Variants in GPCPD1 observed in about 807,000 individuals in gnomAD.
GPCPD1 encodes glycerophosphocholine phosphodiesterase GPCPD1.
Under a neutral mutation model 89.2 loss-of-function variants are expected in GPCPD1, and 29 were observed. The ratio of observed to expected loss-of-function variants is 0.33; its 90% CI spans 0.24 to 0.44. The LOEUF (loss-of-function observed/expected upper bound fraction) is 0.44. Among genes scored for constraint, GPCPD1 ranks in the 20% least tolerant of loss-of-function variants. The pLI, the probability that GPCPD1 is intolerant of heterozygous loss-of-function variation, is 1.00. For synonymous variants in GPCPD1, 258 were observed against 266.3 expected, an observed-to-expected ratio of 0.97 and a Z score of 0.30; for missense variants, 594 against 808.9, an observed-to-expected ratio of 0.73 and a Z score of 3.22.
At position 5,565,054 on chromosome 20, in the gene GPCPD1, G is replaced by A. The variant is rs1422762261; in HGVS notation, c.1292C>T (p.Ser431Phe). The change falls in exon 15 of 20, where the codon TCC becomes TTC. Residue 431 changes from serine to phenylalanine, a missense_variant. Ser to Phe is a radical substitution (Grantham distance 155). Transcript: ENST00000379019. Reference protein sequence around the residue: ...RKESVVQEENSFSENQPFPSL... With the variant: ...RKESVVQEENFFSENQPFPSL... Reference sequence around the variant, plus strand: ...AGGAAATGGCTGATTTTCTGAAAAGGAATTTTCCTCCTGAACCACAGATTC... The same window carrying A: ...AGGAAATGGCTGATTTTCTGAAAAGAAATTTTCCTCCTGAACCACAGATTC... 1 of 1,551,198 alleles carries A rather than the reference G, an allele frequency of 6.4e-7. No homozygotes were observed. Among genetic ancestry groups the A allele is most frequent in the Non-Finnish European group, 8.9e-7 (1 of 1,123,092 alleles).
intron 2 of GPCPD1, 83 bp downstream of exon 2, chr20:5,604,281 T>C (rs1980390587): frequency 6.5e-6 from 5 of 764,562 alleles, no homozygotes; most frequent in East Asian, 2.5e-5. Context: ...CCCACTCTAA[T>C]AGCAACTCCA....
At position 5,590,807 on chromosome 20, in the gene GPCPD1, G is replaced by A. The variant is rs547103189; in HGVS notation, c.231+2520C>T. On this transcript the variant is annotated intron_variant, in intron 4 of 19. Transcript: ENST00000379019. Reference sequence around the variant, plus strand: ...AAGGACTTAAAACTCAAGGGAGATCGAGGTCAAAATAAGATAGTTTGTAAT... The same window carrying A: ...AAGGACTTAAAACTCAAGGGAGATCAAGGTCAAAATAAGATAGTTTGTAAT... Among the ~76,000 whole-genome samples the A allele has an allele frequency of 2.3e-4, 35 of 152,252 alleles. 1 individual carries two copies. The South Asian group carries it at 4.4e-3, about 19-fold the overall frequency.
intron 15 of GPCPD1, among the ~76,000 whole-genome samples, chr20:5,562,986 C>CTTT (rs199811350): frequency 8.1e-4 from 115 of 142,650 alleles, no homozygotes; most frequent in African/African-American, 2.6e-3. Context: ...GTTAAAATTT[C>CTTT]TTTTTTTTTT....
rs141741093 is a variant in GPCPD1 at position 5,586,002 on chromosome 20, A to G, written c.307+192T>C. 11 of 433,894 alleles carry G rather than the reference A, an allele frequency of 2.5e-5. No homozygotes were observed. In the East Asian group the frequency reaches 2.8e-4, roughly 11 times the overall value. 26.9% of individuals were successfully genotyped at this position (433,894 alleles called of 1,614,324 possible). A position where few individuals can be genotyped will look rare whatever the true frequency, so the allele number is the denominator to read the frequency against. On this transcript the variant is annotated intron_variant, in intron 5 of 19. Coordinates refer to ENST00000379019, the MANE Select transcript of GPCPD1 (RefSeq NM_019593.5). ...AAATATCTAGGTAAATATTTCTAAT[A>G]AAGTTTATTTTAAGAGGCAATTAAA...
chr20:5,558,912 A>G (rs1426473169), intron 17 of GPCPD1, 93 bp from the exon 18 acceptor site: 25 of 974,510 alleles, frequency 2.6e-5, no homozygotes, highest in Non-Finnish European at 3.7e-5. Flanking sequence ...GTATAAAGAA[A>G]ACAAACGAGG....
intron 2 of GPCPD1, among the ~76,000 whole-genome samples, chr20:5,600,563 G>A (rs531421589): frequency 1.8e-4 from 28 of 152,160 alleles, no homozygotes; most frequent in African/African-American, 4.1e-4. Context: ...GCCGGGTGCG[G>A]TGGCTCATGC....
chr20:5,599,840 G>A (rs745512831), intron 2 of GPCPD1, among the ~76,000 whole-genome samples: 35 of 152,026 alleles, frequency 2.3e-4, no homozygotes, highest in Non-Finnish European at 3.1e-4. Flanking sequence ...GGCATGAGCC[G>A]CCGCGCCCAG....
At chr20:5,585,424 G>A (rs1978843474) in intron 5 of GPCPD1, 1 of 151,966 alleles carries the variant, frequency 6.6e-6, no homozygotes, top group Non-Finnish European at 1.5e-5. Context: ...ACTTTACCTA[G>A]AAACTAAAAG....
chr20:5,607,696 C>T (rs529824267), intron 1 of GPCPD1, among the ~76,000 whole-genome samples: 22 of 151,520 alleles, frequency 1.5e-4, no homozygotes, highest in African/African-American at 4.9e-4. Flanking sequence ...TGGTGGCTCA[C>T]GCCTATAATC....
Position 5,564,938 on chromosome 20 carries a change from C to A in GPCPD1, c.1329+79G>T, listed in dbSNP as rs1160379975. The A allele has an allele frequency of 5.2e-6, 4 of 768,604 alleles. No individual in the cohort carries two copies. In the East Asian group the frequency reaches 9.8e-5, roughly 19 times the overall value. 47.6% of individuals were successfully genotyped at this position (768,604 alleles called of 1,614,324 possible). ...TCTTTAACACAGCCTTTTTAGGATC[C>A]TTTTAAGAAACAAAAGTAAATTATT... On this transcript the variant is annotated intron_variant, in intron 15 of 19. Coordinates refer to ENST00000379019, the MANE Select transcript of GPCPD1 (RefSeq NM_019593.5).
At chr20:5,582,557 C>T (rs1168128932) in intron 6 of GPCPD1, among the ~76,000 whole-genome samples, 3 of 152,142 alleles carry the variant, frequency 2.0e-5, no homozygotes, top group Non-Finnish European at 4.4e-5. Flanking sequence ...TCCGCCCACC[C>T]GCTTTCCACC....
chr20:5,583,653 C>G (rs1423113152), intron 6 of GPCPD1, among the ~76,000 whole-genome samples: 3 of 152,332 alleles, frequency 2.0e-5, no homozygotes, highest in African/African-American at 7.2e-5. Flanking sequence ...TCTACTCTAT[C>G]TCAAACTAAC....
chr20:5,603,049 T>C (rs931085270), intron 2 of GPCPD1, among the ~76,000 whole-genome samples: 1 of 149,370 alleles, frequency 6.7e-6, no homozygotes, highest in Non-Finnish European at 1.5e-5. Flanking sequence ...ATCCAGCACT[T>C]TGGGAGGCCG....
chr20:5,577,525 AAAAG>A (rs920353953), intron 8 of GPCPD1, among the ~76,000 whole-genome samples: 21 of 152,160 alleles, frequency 1.4e-4, no homozygotes, highest in African/African-American at 2.4e-4. Flanking sequence ...AAAGGAAAGA[AAAAG>A]AAAGAAAGAA....
chr20:5,545,360 A>G lies in GPCPD1; in HGVS notation c.*2301T>C, dbSNP rs1179058012. ...GAGCCTGCAGCCTGGCAGATGAGAC[A>G]AAGATCAACTCTGCCTACCTAGAAC... On this transcript the variant is annotated 3_prime_UTR_variant, in exon 20 of 20. Transcript: ENST00000379019. 2 of 152,258 alleles carry G rather than the reference A, an allele frequency of 1.3e-5. No homozygotes were observed. The highest frequency in any genetic ancestry group is 3.2e-3 in the Middle Eastern group (1 of 316). The allele number at this position is 152,258 out of a possible 1,614,324, so 9.4% of individuals were successfully genotyped here.
chr20:5,564,969 A>G (rs779463660), intron 15 of GPCPD1, 48 bp downstream of exon 15: 34 of 870,846 alleles, frequency 3.9e-5, no homozygotes, highest in Non-Finnish European at 5.4e-5. Flanking sequence ...TTATTCATAC[A>G]TGACAAAGTT....
chr20:5,562,608 A>G (rs1256886637), intron 15 of GPCPD1, among the ~76,000 whole-genome samples: 1 of 152,196 alleles, frequency 6.6e-6, no homozygotes, highest in Non-Finnish European at 1.5e-5. Context: ...TCAAAATTTT[A>G]GGTATCAAAG....
intron 8 of GPCPD1, among the ~76,000 whole-genome samples, chr20:5,577,016 G>T (rs1296106410): frequency 6.6e-6 from 1 of 151,290 alleles, no homozygotes; most frequent in African/African-American, 2.4e-5. Flanking sequence ...ACCAGCCTGG[G>T]CAACAAAGAC....
intron 11 of GPCPD1, among the ~76,000 whole-genome samples, chr20:5,573,137 G>T (rs376359223): frequency 6.7e-6 from 1 of 149,634 alleles, no homozygotes; most frequent in African/African-American, 2.5e-5. Flanking sequence ...GCTGGAAAAC[G>T]GTGGCATGAT....
Sources: allele counts gnomAD v4.1 joint callset (sites outside exome capture counted in the v4.1 genomes callset), GRCh38; gene constraint gnomAD v4.1.1; transcripts MANE v1.5; gene names NCBI Gene and HGNC (gene_info 2026-07-23, HGNC 2026-07-21).